Variants in NCOA3 observed in about 807,000 individuals in gnomAD.
NCOA3 encodes nuclear receptor coactivator 3, also known as CBP-interacting protein.
NCOA3 carries 51 observed loss-of-function variants against 158.8 expected under a neutral mutation model. The observed-to-expected ratio is 0.32, with a 90% CI of 0.26 to 0.41. The LOEUF is 0.41. NCOA3 is among the 10% of genes least tolerant of loss of function. The pLI is 1.00. For synonymous variants in NCOA3, 537 were observed against 592.4 expected, an observed-to-expected ratio of 0.91 and a Z score of 1.36; for missense variants, 1,510 against 1,746.6, an observed-to-expected ratio of 0.86 and a Z score of 2.41.
intron 1 of NCOA3, among the ~76,000 whole-genome samples, chr20:47,575,774 AAG>A (rs1389870865): frequency 6.6e-6 from 1 of 152,226 alleles, no homozygotes; most frequent in Admixed American, 6.5e-5. Flanking sequence ...TATTGTGTCA[AAG>A]AGAGAAATAT....
At position 47,525,465 on chromosome 20, in the gene NCOA3, G is replaced by C. The variant is rs796682776; in HGVS notation, c.-99+23446G>C. On this transcript the variant is annotated intron_variant, in intron 1 of 22. Coordinates refer to ENST00000371998, the MANE Select transcript of NCOA3 (RefSeq NM_181659.3). ...GCTGTTGGGTACACCTCCCAGACGGGGTGGTGGCCGGGCAGAGGGGCTCCT... is the reference window on the plus strand; with the variant it reads ...GCTGTTGGGTACACCTCCCAGACGGCGTGGTGGCCGGGCAGAGGGGCTCCT... 3.3e-5 allele frequency among the ~76,000 whole-genome samples: 5 copies of C among 151,022 alleles called. No homozygotes were observed. The East Asian group carries it at 6.0e-4, about 18-fold the overall frequency.
chr20:47,652,799 G>C (rs1372618649), intron 21 of NCOA3, 132 bp from the exon 22 acceptor site: 1 of 1,116,286 alleles, frequency 9.0e-7, no homozygotes, highest in East Asian at 2.4e-5. Flanking sequence ...ATCACAGGCT[G>C]TCAGGGAGTT....
At chr20:47,603,839 G>A (rs890936632) in intron 2 of NCOA3, among the ~76,000 whole-genome samples, 6 of 152,108 alleles carry the variant, frequency 3.9e-5, no homozygotes, top group East Asian at 1.9e-4. Flanking sequence ...TTGTGGAGCC[G>A]GGGGCTTGGG....
intron 16 of NCOA3, among the ~76,000 whole-genome samples, chr20:47,640,726 A>AG (rs938258507): frequency 2.0e-5 from 3 of 151,348 alleles, no homozygotes; most frequent in African/African-American, 7.3e-5. Flanking sequence ...CTAAAAAAAA[A>AG]AAAAAAAAAA....
intron 18 of NCOA3, among the ~76,000 whole-genome samples, chr20:47,648,558 G>A (rs1366384651): frequency 2.6e-5 from 4 of 151,916 alleles, no homozygotes; most frequent in African/African-American, 4.8e-5. Context: ...CTGCAGCCTC[G>A]ACCTCCCAGG....
rs1436056731 is a variant in NCOA3, at chr20:47,636,656, C to T, written c.2270C>T (p.Pro757Leu). 1 of 1,614,076 alleles carries T rather than the reference C, an allele frequency of 6.2e-7. No homozygotes were observed. Among genetic ancestry groups the T allele is most frequent in the South Asian group, 1.1e-5 (1 of 91,074 alleles). The change falls in exon 12 of 23, where the codon CCC (proline) becomes CTC (leucine). Residue 757 changes from proline (P) to leucine (L), a missense_variant. Coordinates refer to ENST00000371998, the MANE Select transcript of NCOA3 (RefSeq NM_181659.3). ...PSDALSKELQ[P>L]QVEGVDNKMS... ...GATGCACTCTCTAAAGAACTACAGC[C>T]CCAAGTGGAAGGAGTGGATAATAAA...
intron 2 of NCOA3, among the ~76,000 whole-genome samples, chr20:47,607,467 G>T (rs1210539802): frequency 6.6e-6 from 1 of 152,076 alleles, no homozygotes; most frequent in Non-Finnish European, 1.5e-5. Context: ...CATAACTATT[G>T]CTCCCTAGCC....
chr20:47,638,594 C>G (rs2086554773), intron 13 of NCOA3, among the ~76,000 whole-genome samples: 1 of 152,052 alleles, frequency 6.6e-6, no homozygotes, highest in African/African-American at 2.4e-5. Context: ...TCTTTTCGAT[C>G]AGAAGGCAAC....
intron 1 of NCOA3, among the ~76,000 whole-genome samples, chr20:47,515,386 T>C (rs113324066): frequency 2.4e-4 from 37 of 151,520 alleles, no homozygotes; most frequent in African/African-American, 8.7e-4. Context: ...ACTCCTGATG[T>C]CGTGATCCAC....
chr20:47,585,655 G>A (rs1389271404), intron 2 of NCOA3, among the ~76,000 whole-genome samples: 1 of 152,058 alleles, frequency 6.6e-6, no homozygotes, highest in African/African-American at 2.4e-5. Context: ...TGTCTCTACT[G>A]CTTCCTTGTC....
At chr20:47,542,142 C>T (rs758086746) in intron 1 of NCOA3, among the ~76,000 whole-genome samples, 1 of 150,754 alleles carries the variant, frequency 6.6e-6, no homozygotes, top group Non-Finnish European at 1.5e-5. Flanking sequence ...GCGATCCTCC[C>T]ACCTCAGCCT....
Position 47,656,125 on chromosome 20 carries a change from CT to C in NCOA3, c.*2725del, listed in dbSNP as rs57501886. ...GAATGTGGGATATTTCCAGTACCTA[CT>C]TTTTTTTTTTTTTTTTGCTGAATCC... On this transcript the variant is annotated 3_prime_UTR_variant, in exon 23 of 23. Transcript: ENST00000371998. The C allele has an allele frequency of 0.031, 3,890 of 126,384 alleles. 117 individuals are homozygous for C. Among genetic ancestry groups the C allele is most frequent in the African/African-American group, 0.099 (3,442 of 34,752 alleles). The allele number at this position is 126,384 out of a possible 1,614,324, so 7.8% of individuals were successfully genotyped here. A position where few individuals can be genotyped will look rare whatever the true frequency, so the allele number is the denominator to read the frequency against.
intron 2 of NCOA3, among the ~76,000 whole-genome samples, chr20:47,599,100 G>A (rs960014499): frequency 6.6e-6 from 1 of 152,188 alleles, no homozygotes; most frequent in African/African-American, 2.4e-5. Flanking sequence ...TTTGTTAAGG[G>A]ACACTCTGTG....
intron 1 of NCOA3, among the ~76,000 whole-genome samples, chr20:47,511,550 T>TATATATACACAC: frequency 1.5e-4 from 8 of 52,270 alleles, no homozygotes; most frequent in Admixed American, 3.2e-4. Flanking sequence ...TATATATATA[T>TATATATACACAC]ATATATTTCT....
chr20:47,587,666 G>A (rs1227272332), intron 2 of NCOA3, among the ~76,000 whole-genome samples: 3 of 151,988 alleles, frequency 2.0e-5, no homozygotes, highest in Non-Finnish European at 4.4e-5. Context: ...TTGTTAAACT[G>A]TATTTTTTAA....
At chr20:47,646,626 A>G (rs2086690154) in intron 17 of NCOA3, among the ~76,000 whole-genome samples, 1 of 152,250 alleles carries the variant, frequency 6.6e-6, no homozygotes. Context: ...AGAGAAAATA[A>G]GAGAGCCTAG....
chr20:47,634,155 A>G lies in NCOA3; in HGVS notation c.1072A>G (p.Asn358Asp), dbSNP rs2086468777. 1.9e-6 allele frequency: 3 copies of G among 1,614,018 alleles called. No individual in the cohort carries two copies. Among genetic ancestry groups the G allele is most frequent in the South Asian group, 1.1e-5 (1 of 91,084 alleles). The change falls in exon 10 of 23, where the codon AAT (asparagine) becomes GAT (aspartate). Residue 358 changes from asparagine (N) to aspartate (D), a missense_variant. Around this residue, in one of 4 missense-constraint regions of NCOA3, gnomAD observed 1,017 missense variants for 1,098.3 expected, o/e 0.93. Coordinates refer to ENST00000371998, the MANE Select transcript of NCOA3 (RefSeq NM_181659.3). ...CAAACTCTTCCGAAATCCTGTAACA[A>G]ATGATCGACATGGCTTTGTCTCAAC... The part of the protein sequence containing the change: ...KSKLFRNPVT[N>D]DRHGFVSTHF...
chr20:47,641,330 T>TTTC (rs2086604191), intron 16 of NCOA3, among the ~76,000 whole-genome samples: 1 of 144,038 alleles, frequency 6.9e-6, no homozygotes, highest in Non-Finnish European at 1.5e-5. Flanking sequence ...ATTTCTTTTT[T>TTTC]TTTTTTTTTT....
intron 1 of NCOA3, among the ~76,000 whole-genome samples, chr20:47,542,028 T>TGTTGTTG (rs1555802261): frequency 1.2e-5 from 1 of 81,714 alleles, no homozygotes; most frequent in Non-Finnish European, 2.5e-5. Context: ...TTTTTTTTTT[T>TGTTGTTG]TTGTTGTTGT....
Sources: gnomAD v4.1 joint callset for allele counts (sites outside exome capture counted in the v4.1 genomes callset) on GRCh38, gnomAD v4.1.1 for gene constraint, gnomAD v4.1.1 regional missense constraint, MANE v1.5 for transcripts, NCBI Gene and HGNC (gene_info 2026-07-23, HGNC 2026-07-21) for gene names.